The following NKAIN3 variants were observed in gnomAD, a reference collection of about 807,000 sequenced individuals.
NKAIN3 encodes sodium/potassium transporting ATPase interacting 3.
NKAIN3 carries 25 observed loss-of-function variants against 30.2 expected under a neutral mutation model. The ratio of observed to expected loss-of-function variants is 0.83; its 90% confidence interval spans 0.60 to 1.16. The LOEUF (loss-of-function observed/expected upper bound fraction) is 1.16, where lower values mean the gene tolerates loss of function less well. Ranked by LOEUF, NKAIN3 falls within the 50% of genes most tolerant of loss-of-function variation. The pLI is 0.00. For missense variants in NKAIN3, 225 were observed against 254.1 expected (o/e 0.89, Z 0.78); for synonymous variants, 91 against 89.6 (o/e 1.02, Z -0.09).
At chr8:62,807,421 T>C (rs2130707326) in intron 4 of NKAIN3, among the ~76,000 whole-genome samples, 1 of 152,254 alleles carries the variant, frequency 6.6e-6, no homozygotes, top group African/African-American at 2.4e-5. Flanking sequence ...TACTATATTT[T>C]TCACTCATTA....
At chr8:62,284,645 A>G (rs1214625697) in intron 1 of NKAIN3, among the ~76,000 whole-genome samples, 2 of 152,082 alleles carry the variant, frequency 1.3e-5, no homozygotes, top group African/African-American at 4.8e-5. Flanking sequence ...AAATAAATAA[A>G]TAAATAAAAT....
At chr8:62,451,215 C>G (rs1419097459) in intron 1 of NKAIN3, among the ~76,000 whole-genome samples, 2 of 151,702 alleles carry the variant, frequency 1.3e-5, no homozygotes, top group Non-Finnish European at 2.9e-5. Context: ...ATCGCCTTCT[C>G]TTCTCTTCTC....
chr8:62,905,905 A>T (rs1349776921), intron 4 of NKAIN3, among the ~76,000 whole-genome samples: 2 of 152,150 alleles, frequency 1.3e-5, no homozygotes, highest in Non-Finnish European at 2.9e-5. Flanking sequence ...CCATCTACAG[A>T]TATTCTATTA....
intron 3 of NKAIN3, among the ~76,000 whole-genome samples, chr8:62,706,147 G>A (rs1240149219): frequency 6.6e-6 from 1 of 152,038 alleles, no homozygotes; most frequent in Non-Finnish European, 1.5e-5. Flanking sequence ...TACAGGAAGG[G>A]GTCTAGAAGC....
chr8:62,495,612 C>A (rs759373900), intron 1 of NKAIN3, among the ~76,000 whole-genome samples: 7 of 150,408 alleles, frequency 4.7e-5, no homozygotes, highest in Non-Finnish European at 8.9e-5. Context: ...ACAGAGGATT[C>A]AAAAATAAAG....
intron 5 of NKAIN3, among the ~76,000 whole-genome samples, chr8:62,996,896 G>T (rs890587907): frequency 1.3e-5 from 2 of 152,190 alleles, no homozygotes; most frequent in Non-Finnish European, 2.9e-5. Context: ...GCTCTGCAGG[G>T]TATGGCCTCT....
intron 5 of NKAIN3, among the ~76,000 whole-genome samples, chr8:62,950,095 T>C (rs1221526098): frequency 4.6e-5 from 7 of 152,226 alleles, no homozygotes; most frequent in Non-Finnish European, 7.3e-5. Context: ...ATCAGTGTAA[T>C]ATGACTGCCT....
intron 5 of NKAIN3, among the ~76,000 whole-genome samples, chr8:62,927,184 C>T (rs1444859673): frequency 6.6e-6 from 1 of 151,896 alleles, no homozygotes; most frequent in African/African-American, 2.4e-5. Context: ...TCCTCACCCC[C>T]CTCCCACTCA....
At chr8:62,471,444 T>C (rs1333530857) in intron 1 of NKAIN3, among the ~76,000 whole-genome samples, 1 of 152,156 alleles carries the variant, frequency 6.6e-6, no homozygotes, top group Non-Finnish European at 1.5e-5. Context: ...GAAAACGATG[T>C]TTTACGAAAA....
chr8:62,319,381 A>G (rs375087792), intron 1 of NKAIN3, among the ~76,000 whole-genome samples: 2 of 151,922 alleles, frequency 1.3e-5, no homozygotes, highest in Non-Finnish European at 2.9e-5. Context: ...TAGCTTTTGA[A>G]TGTGTTTGCT....
chr8:62,538,342 T>C (rs1563447136), intron 1 of NKAIN3, among the ~76,000 whole-genome samples: 1 of 152,034 alleles, frequency 6.6e-6, no homozygotes. Flanking sequence ...ACACGGCTAA[T>C]TTGTTGTATT....
intron 5 of NKAIN3, among the ~76,000 whole-genome samples, chr8:62,951,967 T>C (rs1477367026): frequency 6.6e-6 from 1 of 151,838 alleles, no homozygotes; most frequent in East Asian, 1.9e-4. Flanking sequence ...GCCCAGCTAA[T>C]TTTTTAATTT....
At chr8:62,309,131 G>T (rs1161898663) in intron 1 of NKAIN3, among the ~76,000 whole-genome samples, 2 of 150,236 alleles carry the variant, frequency 1.3e-5, no homozygotes, top group African/African-American at 5.0e-5. Flanking sequence ...ATACTAAAAG[G>T]TGTTTTGTTT....
At chr8:62,755,116 G>T (rs1375296737) in intron 4 of NKAIN3, among the ~76,000 whole-genome samples, 1 of 152,164 alleles carries the variant, frequency 6.6e-6, no homozygotes, top group Non-Finnish European at 1.5e-5. Flanking sequence ...TGACCCATGA[G>T]GGTAGTGTTA....
At chr8:62,464,757 G>T (rs966091150) in intron 1 of NKAIN3, among the ~76,000 whole-genome samples, 1 of 152,174 alleles carries the variant, frequency 6.6e-6, no homozygotes, top group African/African-American at 2.4e-5. Flanking sequence ...TCTGAAAAGT[G>T]TTAAAAGTAG....
chr8:62,417,909 A>T (rs1230592683), intron 1 of NKAIN3, among the ~76,000 whole-genome samples: 1 of 152,164 alleles, frequency 6.6e-6, no homozygotes, highest in East Asian at 1.9e-4. Context: ...ATGTTGTTTT[A>T]TTAAGGAATA....
chr8:62,335,067 G>T (rs963818932), intron 1 of NKAIN3, among the ~76,000 whole-genome samples: 1 of 152,038 alleles, frequency 6.6e-6, no homozygotes, highest in African/African-American at 2.4e-5. Context: ...TTTAAGGGGA[G>T]AGGTGTAACT....
chr8:62,572,194 T>G (rs1585962602), intron 1 of NKAIN3, among the ~76,000 whole-genome samples: 1 of 152,278 alleles, frequency 6.6e-6, no homozygotes, highest in African/African-American at 2.4e-5. Flanking sequence ...ATTTCTTCCA[T>G]CAGATACCCT....
At chr8:62,685,732 C>T (rs778779086) in intron 3 of NKAIN3, among the ~76,000 whole-genome samples, 3 of 152,158 alleles carry the variant, frequency 2.0e-5, no homozygotes, top group African/African-American at 7.2e-5. Context: ...CAAAAGTGTA[C>T]ATATGAACAG....
Sources: allele counts gnomAD v4.1 joint callset (sites outside exome capture counted in the v4.1 genomes callset), GRCh38; gene constraint gnomAD v4.1.1; transcripts MANE v1.5; gene names NCBI Gene and HGNC (gene_info 2026-07-23, HGNC 2026-07-21).